FAIM: variants seen among roughly 807,000 people sequenced by gnomAD.
The protein encoded by FAIM is Fas apoptotic inhibitory molecule.
Under a neutral mutation model 21.2 loss-of-function variants are expected in FAIM, and 14 were observed. The observed-to-expected ratio is 0.66, with a 90% CI of 0.44 to 1.03. The LOEUF (loss-of-function observed/expected upper bound fraction) is 1.03. FAIM is among the 50% of genes least tolerant of loss of function. The pLI, the probability that FAIM is intolerant of heterozygous loss-of-function variation, is 0.00. For synonymous variants in FAIM, 86 were observed against 80.4 expected, an observed-to-expected ratio of 1.07 and a Z score of -0.37; for missense variants, 222 against 247.1, an observed-to-expected ratio of 0.90 and a Z score of 0.68.
Position 138,633,206 on chromosome 3 carries a change from C to A in FAIM, c.*127C>A. The A allele has an allele frequency of 2.5e-6, 2 of 811,072 alleles. No homozygotes were observed. Among genetic ancestry groups the A allele is most frequent in the Non-Finnish European group, 3.5e-6 (2 of 570,150 alleles). The allele number at this position is 811,072 out of a possible 1,614,324, so 50.2% of individuals were successfully genotyped here. ...TAATTTTTTAAAAAGTTACATGAAA[C>A]TAACATTCCAAGGGTCAGGAAAAAA... On this transcript the variant is annotated 3_prime_UTR_variant, in exon 6 of 6. Transcript: ENST00000360570.
At chr3:138,627,611 T>C (rs1365095394) in intron 4 of FAIM, among the ~76,000 whole-genome samples, 2 of 152,206 alleles carry the variant, frequency 1.3e-5, no homozygotes, top group East Asian at 1.9e-4. Flanking sequence ...TCAGTAAGCA[T>C]AGCAAGTAAA....
At chr3:138,622,560 T>C in intron 4 of FAIM, 144 bp downstream of exon 4, 1 of 609,006 alleles carries the variant, frequency 1.6e-6, no homozygotes, top group South Asian at 2.7e-5. Flanking sequence ...TTAGAAACAT[T>C]AAAAAAATTT....
chr3:138,621,136 C>G (rs540713152), intron 2 of FAIM: 38 of 379,366 alleles, frequency 1.0e-4, no homozygotes, highest in Non-Finnish European at 1.7e-4. Flanking sequence ...CCAGGATAAA[C>G]TGATGCATTC....
At chr3:138,628,490 T>TTTAC (rs1268394414) in intron 4 of FAIM, among the ~76,000 whole-genome samples, 2 of 151,594 alleles carry the variant, frequency 1.3e-5, no homozygotes, top group Non-Finnish European at 2.9e-5. Flanking sequence ...TATTTATTTA[T>TTTAC]TTATTTATTT....
At position 138,633,214 on chromosome 3, in the gene FAIM, C is replaced by A; in HGVS notation, c.*135C>A. The stretch of plus-strand genomic sequence containing the variant: ...TAAAAAGTTACATGAAACTAACATT[C>A]CAAGGGTCAGGAAAAAAACCAATTA... On this transcript the variant is annotated 3_prime_UTR_variant, in exon 6 of 6. Coordinates refer to ENST00000360570, the MANE Select transcript of FAIM (RefSeq NM_001033031.2). 1.3e-6 allele frequency: 1 copy of A among 744,930 alleles called. No individual in the cohort carries two copies. Among genetic ancestry groups the A allele is most frequent in the Non-Finnish European group, 1.9e-6 (1 of 514,730 alleles). The allele number at this position is 744,930 out of a possible 1,614,324, so 46.1% of individuals were successfully genotyped here.
At chr3:138,612,988 T>G (rs2042786225) in intron 1 of FAIM, among the ~76,000 whole-genome samples, 2 of 151,438 alleles carry the variant, frequency 1.3e-5, no homozygotes, top group South Asian at 4.2e-4. Context: ...TTCTTTAGAA[T>G]AATGTCTGTG....
At chr3:138,614,885 G>A (rs2042810117) in intron 1 of FAIM, among the ~76,000 whole-genome samples, 2 of 152,130 alleles carry the variant, frequency 1.3e-5, no homozygotes, top group South Asian at 4.2e-4. Flanking sequence ...AGGCTGCAGT[G>A]AGCATTGAAT....
chr3:138,616,559 C>T (rs539357862), intron 1 of FAIM, among the ~76,000 whole-genome samples: 1 of 152,004 alleles, frequency 6.6e-6, no homozygotes, highest in African/African-American at 2.4e-5. Context: ...TGGTGTTACT[C>T]TGTTGACCAG....
chr3:138,625,368 CAGG>C (rs2042928433), intron 4 of FAIM, among the ~76,000 whole-genome samples: 1 of 151,770 alleles, frequency 6.6e-6, no homozygotes, highest in Non-Finnish European at 1.5e-5. Flanking sequence ...GAGGCTGAGG[CAGG>C]AGAATTGCTT....
chr3:138,609,988 G>T (rs1426244461), intron 1 of FAIM, among the ~76,000 whole-genome samples: 1 of 152,112 alleles, frequency 6.6e-6, no homozygotes, highest in Non-Finnish European at 1.5e-5. Context: ...GGCTCGAGGA[G>T]CTTCCTGAGT....
At chr3:138,627,441 A>G (rs1333157195) in intron 4 of FAIM, among the ~76,000 whole-genome samples, 2 of 152,104 alleles carry the variant, frequency 1.3e-5, no homozygotes, top group Admixed American at 6.5e-5. Flanking sequence ...TCAGCTTCCC[A>G]AAGTGCTGGG....
rs75605766 is a variant in FAIM at position 138,626,206 on chromosome 3, T to C, written c.407-2901T>C. Among the ~76,000 whole-genome samples, 531 of 152,354 alleles carry C rather than the reference T, an allele frequency of 3.5e-3. 2 individuals are homozygous for C. The highest frequency in any genetic ancestry group is 0.012 in the African/African-American group (508 of 41,588). Reference sequence around the variant, plus strand: ...TGCAGCAGCAACTCCCATGAGTCACTAAATCCAGCACTGAGTCATAATAGA... The same window carrying C: ...TGCAGCAGCAACTCCCATGAGTCACCAAATCCAGCACTGAGTCATAATAGA... On this transcript the variant is annotated intron_variant, in intron 4 of 5. Transcript: ENST00000360570.
At chr3:138,620,878 A>G (rs1408707247) in intron 2 of FAIM, among the ~76,000 whole-genome samples, 1 of 152,226 alleles carries the variant, frequency 6.6e-6, no homozygotes, top group Non-Finnish European at 1.5e-5. Context: ...TATCTTTATT[A>G]TAGGGCATTT....
intron 4 of FAIM, among the ~76,000 whole-genome samples, chr3:138,628,548 G>A (rs529540460): frequency 2.4e-4 from 37 of 151,620 alleles, no homozygotes; most frequent in African/African-American, 7.7e-4. Context: ...GCAGTGGTGC[G>A]GTCTCGGCTC....
chr3:138,619,464 T>C (rs2042861735), intron 1 of FAIM, among the ~76,000 whole-genome samples: 1 of 152,214 alleles, frequency 6.6e-6, no homozygotes, highest in Admixed American at 6.5e-5. Context: ...AGTATACCTT[T>C]AAGAAATTAT....
intron 2 of FAIM, among the ~76,000 whole-genome samples, chr3:138,620,928 AC>A (rs567316536): frequency 1.3e-5 from 2 of 152,284 alleles, no homozygotes; most frequent in South Asian, 4.1e-4. Flanking sequence ...ATAAATTAGA[AC>A]CTTTTTGTTA....
chr3:138,611,094 G>A, intron 1 of FAIM: 2 of 1,259,050 alleles, frequency 1.6e-6, no homozygotes, highest in South Asian at 1.2e-5. Flanking sequence ...TGGTATGCTG[G>A]ATGAACTTAG....
rs770099722 is a variant in FAIM at position 138,632,932 on chromosome 3, T to C, written c.459T>C (p.Gly153=). ...TCCTTCTTCTTTTGTTGCTCCAGGGTGAGTTTGTAGATGATGGGACTGAAA... is the reference window on the plus strand; with the variant it reads ...TCCTTCTTCTTTTGTTGCTCCAGGGCGAGTTTGTAGATGATGGGACTGAAA... ...WCNGKKLETA[G]EFVDDGTETH... Residue 153 remains glycine (G), a splice_region_variant and synonymous_variant, in exon 6 of 6, where the codon GGT becomes GGC. Coordinates refer to ENST00000360570, the MANE Select transcript of FAIM (RefSeq NM_001033031.2). 7 of 1,611,978 alleles carry C rather than the reference T, an allele frequency of 4.3e-6. No individual in the cohort carries two copies. The South Asian group carries it at 7.7e-5, about 18-fold the overall frequency.
chr3:138,621,679 G>C, intron 3 of FAIM, 140 bp downstream of exon 3: 1 of 669,156 alleles, frequency 1.5e-6, no homozygotes, highest in Non-Finnish European at 2.4e-6. Flanking sequence ...GCTGTGTAAA[G>C]CAAACATAGT....
Sources: allele counts gnomAD v4.1 joint callset (sites outside exome capture counted in the v4.1 genomes callset), GRCh38; gene constraint gnomAD v4.1.1; transcripts MANE v1.5; gene names NCBI Gene and HGNC (gene_info 2026-07-23, HGNC 2026-07-21).